Variants in BAZ2B observed in about 807,000 individuals in gnomAD.
BAZ2B encodes bromodomain adjacent to zinc finger domain 2B.
In BAZ2B, 91 loss-of-function variants were observed where a neutral mutation model predicts 246.0. That is an observed-to-expected ratio of 0.37 (90% CI 0.31 to 0.44). The LOEUF (loss-of-function observed/expected upper bound fraction) is 0.44, where lower values mean the gene tolerates loss of function less well. Ranked by LOEUF, BAZ2B falls within the 20% of genes least tolerant of loss-of-function variation. BAZ2B has a pLI of 1.00. For missense variants in BAZ2B, 2,332 were observed against 2,533.7 expected (o/e 0.92, Z 1.71); for synonymous variants, 855 against 860.0 (o/e 0.99, Z 0.10).
At chr2:159,409,023 C>G (rs1008059964) in intron 14 of BAZ2B, among the ~76,000 whole-genome samples, 4 of 151,600 alleles carry the variant, frequency 2.6e-5, no homozygotes, top group Non-Finnish European at 2.9e-5. Context: ...AAATAAATTA[C>G]TTCCAGTATC....
At chr2:159,543,110 G>A (rs1224177466) in intron 2 of BAZ2B, among the ~76,000 whole-genome samples, 1 of 151,948 alleles carries the variant, frequency 6.6e-6, no homozygotes, top group African/African-American at 2.4e-5. Flanking sequence ...CTCATGACAG[G>A]GTGCCTGGCA....
rs113993624 is a variant in BAZ2B at position 159,389,093 on chromosome 2, A to ACAACCAACCAAC, written c.3216+240_3216+251dup. On this transcript the variant is annotated intron_variant, in intron 21 of 36. Coordinates refer to ENST00000392783, the MANE Select transcript of BAZ2B (RefSeq NM_013450.4). ...TGACAGAGTAAGACCCTGTCTGAAA[A>ACAACCAACCAAC]CAACCAACCAACCAACCAACCAACC... Among the ~76,000 whole-genome samples, 780 of 148,990 alleles carry ACAACCAACCAAC rather than the reference A, an allele frequency of 5.2e-3. 4 individuals carry two copies. The highest frequency in any genetic ancestry group is 9.4e-3 in the South Asian group (43 of 4,598).
intron 1 of BAZ2B, among the ~76,000 whole-genome samples, chr2:159,594,361 C>G (rs1690123783): frequency 6.6e-6 from 1 of 152,000 alleles, no homozygotes. Flanking sequence ...GAGCTGAGAT[C>G]GCGCCACCGC....
At chr2:159,430,316 G>A (rs545782099) in intron 10 of BAZ2B, among the ~76,000 whole-genome samples, 1 of 152,162 alleles carries the variant, frequency 6.6e-6, no homozygotes, top group Non-Finnish European at 1.5e-5. Flanking sequence ...AGGTAATGAA[G>A]AGTCAATATA....
intron 2 of BAZ2B, among the ~76,000 whole-genome samples, chr2:159,512,058 A>C (rs988632933): frequency 2.0e-5 from 3 of 152,174 alleles, no homozygotes; most frequent in Non-Finnish European, 2.9e-5. Flanking sequence ...ATAGAACAGA[A>C]ATATATAGAC....
At chr2:159,330,590 G>A (rs1056114490) in intron 34 of BAZ2B, among the ~76,000 whole-genome samples, 1 of 152,094 alleles carries the variant, frequency 6.6e-6, no homozygotes, top group Non-Finnish European at 1.5e-5. Flanking sequence ...GCCAAGTGTG[G>A]TGTCTCACAC....
rs74902348 is a variant in BAZ2B, at chr2:159,407,625, A to G, written c.2678-2511T>C. Among the ~76,000 whole-genome samples the G allele has an allele frequency of 6.3e-3, 966 of 152,310 alleles. 5 individuals are homozygous for G. Among genetic ancestry groups the G allele is most frequent in the African/African-American group, 0.022 (902 of 41,578 alleles). ...AGTTGGTCACTATGGCCAGTTTTCT[A>G]TCACTGAGACTTTTAAAAAGGAGAA... On this transcript the variant is annotated intron_variant, in intron 14 of 36. Transcript: ENST00000392783.
At chr2:159,513,375 T>TG (rs2151200001) in intron 2 of BAZ2B, among the ~76,000 whole-genome samples, 1 of 152,340 alleles carries the variant, frequency 6.6e-6, no homozygotes, top group South Asian at 2.1e-4. Flanking sequence ...ATAAACTACC[T>TG]GTTTGACTAA....
chr2:159,355,446 G>A (rs1255421843), intron 27 of BAZ2B, among the ~76,000 whole-genome samples: 1 of 152,104 alleles, frequency 6.6e-6, no homozygotes, highest in African/African-American at 2.4e-5. Flanking sequence ...GGCTGATCCA[G>A]AAAATTTTAA....
chr2:159,600,604 A>T (rs1230320145), intron 1 of BAZ2B, among the ~76,000 whole-genome samples: 1 of 152,250 alleles, frequency 6.6e-6, no homozygotes, highest in Non-Finnish European at 1.5e-5. Context: ...AAAGGACCAA[A>T]ATTAGTGTGG....
intron 6 of BAZ2B, among the ~76,000 whole-genome samples, chr2:159,440,906 C>T (rs2073273888): frequency 6.6e-6 from 1 of 152,102 alleles, no homozygotes; most frequent in Non-Finnish European, 1.5e-5. Flanking sequence ...CCCATCATTT[C>T]TTGAGTTTTC....
intron 16 of BAZ2B, among the ~76,000 whole-genome samples, chr2:159,404,042 A>G (rs948230772): frequency 5.3e-5 from 8 of 152,124 alleles, no homozygotes; most frequent in African/African-American, 1.9e-4. Context: ...ATCCAACCCA[A>G]GCCATTTATT....
intron 19 of BAZ2B, 61 bp from the exon 20 acceptor site, chr2:159,395,895 A>G: frequency 6.9e-7 from 1 of 1,456,790 alleles, no homozygotes; most frequent in Non-Finnish European, 9.4e-7. Flanking sequence ...TGATTTTCCA[A>G]TGAAAAAACA....
intron 13 of BAZ2B, among the ~76,000 whole-genome samples, chr2:159,413,283 C>T (rs2067114336): frequency 6.6e-6 from 1 of 152,160 alleles, no homozygotes; most frequent in Admixed American, 6.5e-5. Context: ...CTATAAATGA[C>T]CTAGTTTCTT....
In BAZ2B at chr2:159,567,580, T is replaced by C. The variant is rs147785526; in HGVS notation, c.-45-11715A>G. ...GGGCATTTTAGCTAAAATAAGAGGG[T>C]TTGAGAATGTTGCACATTATTTTAA... is the stretch of plus-strand genomic sequence containing the variant. On this transcript the variant is annotated intron_variant, in intron 1 of 36. Transcript: ENST00000392783. Among the ~76,000 whole-genome samples the C allele has an allele frequency of 2.7e-3, 404 of 152,274 alleles. 2 individuals are homozygous for C. Among genetic ancestry groups the C allele is most frequent in the African/African-American group, 9.2e-3 (381 of 41,550 alleles).
At chr2:159,701,758 T>G in the BAZ2B span, among the ~76,000 whole-genome samples, 2 of 150,662 alleles carry the variant, frequency 1.3e-5, no homozygotes, top group Non-Finnish European at 3.0e-5. Context: ...AAACAGAGTC[T>G]CACTCTGTCA....
intron 1 of BAZ2B, among the ~76,000 whole-genome samples, chr2:159,582,152 T>C (rs775748352): frequency 6.6e-6 from 1 of 152,198 alleles, no homozygotes; most frequent in Admixed American, 6.5e-5. Context: ...GTTGCATAGG[T>C]AGAATATATA....
At chr2:159,622,895 C>G in the BAZ2B span, among the ~76,000 whole-genome samples, 1 of 150,548 alleles carries the variant, frequency 6.6e-6, no homozygotes, top group African/African-American at 2.4e-5. Context: ...TATTCGAAGC[C>G]TGGGAGGTCC....
At chr2:159,699,166 C>T in the BAZ2B span, among the ~76,000 whole-genome samples, 1 of 152,282 alleles carries the variant, frequency 6.6e-6, no homozygotes, top group South Asian at 2.1e-4. Flanking sequence ...CCTTGTAAAA[C>T]TGTGATACAC....
Sources: allele counts gnomAD v4.1 joint callset (sites outside exome capture counted in the v4.1 genomes callset), GRCh38; gene constraint gnomAD v4.1.1; transcripts MANE v1.5; gene names NCBI Gene and HGNC (gene_info 2026-07-23, HGNC 2026-07-21).